Variants in FRMPD1 observed in about 807,000 individuals in gnomAD.
The protein encoded by FRMPD1 is FERM and PDZ domain containing 1, also known as FERM and PDZ domain-containing protein 1.
Under a neutral mutation model 117.8 loss-of-function variants are expected in FRMPD1, and 76 were observed. That is an observed-to-expected ratio of 0.65 (90% CI 0.54 to 0.78). The LOEUF (loss-of-function observed/expected upper bound fraction) is 0.78, where lower values mean the gene tolerates loss of function less well. FRMPD1 is among the 30% of genes least tolerant of loss of function. The probability of loss-of-function intolerance (pLI) is 0.00; values close to 1 mark genes in which losing one functional copy is unlikely to be tolerated. For missense variants in FRMPD1, 1,786 were observed against 1,964.5 expected (o/e 0.91, Z 1.72); for synonymous variants, 783 against 770.4 (o/e 1.02, Z -0.27).
At chr9:37,711,262 AAC>A in intron 4 of FRMPD1, 86 bp from the exon 5 acceptor site, 1 of 887,014 alleles carries the variant, frequency 1.1e-6, no homozygotes, top group Non-Finnish European at 1.9e-6. Context: ...TTTTGACCCT[AAC>A]ACACATGCTC....
intron 4 of FRMPD1, among the ~76,000 whole-genome samples, chr9:37,709,679 T>G (rs1032067037): frequency 5.9e-5 from 9 of 152,072 alleles, no homozygotes; most frequent in Admixed American, 4.6e-4. Flanking sequence ...AATATTTCAG[T>G]TGTGTCTTTA....
chr9:37,700,196 G>A (rs1346632940), intron 2 of FRMPD1, among the ~76,000 whole-genome samples: 1 of 152,156 alleles, frequency 6.6e-6, no homozygotes, highest in Non-Finnish European at 1.5e-5. Flanking sequence ...CATCTGCAGA[G>A]TTGCCATTAT....
Position 37,746,022 on chromosome 9 carries a change from G to A in FRMPD1, c.3990G>A (p.Gly1330=). Reference sequence around the variant, plus strand: ...ATGAGATGGTGGCTCCCAGGATAGGGATGGACCAGTGCAGCTGTCAGTTCT... The same window carrying A: ...ATGAGATGGTGGCTCCCAGGATAGGAATGGACCAGTGCAGCTGTCAGTTCT... ...GMNEMVAPRI[G]MDQCSCQFSY... is the part of the protein sequence containing the mutation. The change falls in exon 16 of 16, where the codon GGG becomes GGA. Residue 1330 remains glycine, a synonymous_variant. Coordinates refer to ENST00000377765, the MANE Select transcript of FRMPD1 (RefSeq NM_014907.3). The A allele has an allele frequency of 6.2e-7, 1 of 1,614,222 alleles. No homozygotes were observed. The highest frequency in any genetic ancestry group is 8.5e-7 in the Non-Finnish European group (1 of 1,180,032).
Position 37,727,698 on chromosome 9 carries a change from G to A in FRMPD1, c.613-2030G>A, listed in dbSNP as rs1368652865. 4.3e-5 allele frequency among the ~76,000 whole-genome samples: 6 copies of A among 140,490 alleles called. No individual in the cohort carries two copies. The Admixed American group carries it at 4.6e-4, about 11-fold the overall frequency. 92.2% of individuals were successfully genotyped at this position (140,490 alleles called of 152,430 possible). ...AATGGACCCTTCAGGACTAGTCACTGGGTAGTTATGGGGGGTGATGAACAA... is the reference window on the plus strand; with the variant it reads ...AATGGACCCTTCAGGACTAGTCACTAGGTAGTTATGGGGGGTGATGAACAA... On this transcript the variant is annotated intron_variant, in intron 7 of 15. Transcript: ENST00000377765.
intron 2 of FRMPD1, chr9:37,693,082 A>ACACT (rs1184286548): frequency 7.4e-6 from 2 of 269,382 alleles, no homozygotes; most frequent in African/African-American, 4.4e-5. Flanking sequence ...ACTCATACAT[A>ACACT]CACTCTTTTG....
chr9:37,669,057 A>G (rs1023636326), intron 1 of FRMPD1, among the ~76,000 whole-genome samples: 16 of 152,198 alleles, frequency 1.1e-4, no homozygotes, highest in African/African-American at 3.9e-4. Flanking sequence ...ATCTTTGGTT[A>G]CACAGCTAAC....
chr9:37,610,052 A>C, the FRMPD1 span, among the ~76,000 whole-genome samples: 1 of 152,228 alleles, frequency 6.6e-6, no homozygotes, highest in South Asian at 2.1e-4. Context: ...TTTCTTCCCA[A>C]CTTTAGTTTC....
rs1200454587 is a variant in FRMPD1 at position 37,740,874 on chromosome 9, C to A, written c.2346C>A (p.Gly782=). ...YDAADKLTPP[G]PPSGPRDVST... The stretch of plus-strand genomic sequence containing the variant: ...CGGCTGATAAGCTCACTCCCCCAGG[C>A]CCCCCGTCAGGTGAGCCGTCCCTTG... The change falls in exon 15 of 16, where the codon GGC becomes GGA. Residue 782 remains glycine, a synonymous_variant. Transcript: ENST00000377765. This position sits in a 1 kb window ranked among gnomAD's most constrained non-coding sequence, Gnocchi z 4.2. 6 of 1,613,220 alleles carry A rather than the reference C, an allele frequency of 3.7e-6. No individual in the cohort carries two copies. The highest frequency in any genetic ancestry group is 1.1e-5 in the South Asian group (1 of 91,052).
chr9:37,719,357 G>C (rs1823294296), intron 6 of FRMPD1, among the ~76,000 whole-genome samples, 181 bp downstream of exon 6: 1 of 152,230 alleles, frequency 6.6e-6, no homozygotes, highest in African/African-American at 2.4e-5. Context: ...GATTGCTGGT[G>C]GGAGCTCTGG....
intron 1 of FRMPD1, among the ~76,000 whole-genome samples, chr9:37,686,110 A>T (rs1821932345): frequency 6.6e-6 from 1 of 152,172 alleles, no homozygotes; most frequent in African/African-American, 2.4e-5. Context: ...CTTTTAAGAT[A>T]TTTTTCCAAG....
intron 2 of FRMPD1, among the ~76,000 whole-genome samples, chr9:37,702,412 A>G (rs1030244245): frequency 6.6e-5 from 10 of 152,264 alleles, no homozygotes; most frequent in African/African-American, 2.4e-4. Flanking sequence ...GGAGTCAGAT[A>G]ACTTTAAATA....
the FRMPD1 span, among the ~76,000 whole-genome samples, chr9:37,616,687 C>A: frequency 5.9e-5 from 9 of 152,216 alleles, no homozygotes; most frequent in Non-Finnish European, 1.2e-4. Context: ...TACCATGAAA[C>A]CATGATTGAA....
At chr9:37,714,707 C>T (rs1029775460) in intron 5 of FRMPD1, among the ~76,000 whole-genome samples, 1 of 151,308 alleles carries the variant, frequency 6.6e-6, no homozygotes, top group East Asian at 1.9e-4. Flanking sequence ...AGTGCAGTGG[C>T]GTGATCTTGG....
At chr9:37,678,830 A>G (rs768868522) in intron 1 of FRMPD1, among the ~76,000 whole-genome samples, 12 of 152,220 alleles carry the variant, frequency 7.9e-5, no homozygotes, top group South Asian at 2.1e-4. Flanking sequence ...CCAGGAACCT[A>G]ATGTTCTGTG....
At chr9:37,666,897 C>A (rs1483900729) in intron 1 of FRMPD1, among the ~76,000 whole-genome samples, 4 of 152,128 alleles carry the variant, frequency 2.6e-5, no homozygotes, top group African/African-American at 9.7e-5. Context: ...CTCGCCTCTC[C>A]TTTGATCCTT....
At chr9:37,645,791 C>G in the FRMPD1 span, among the ~76,000 whole-genome samples, 2 of 152,220 alleles carry the variant, frequency 1.3e-5, no homozygotes, top group Non-Finnish European at 2.9e-5. Context: ...CTAATTGTCC[C>G]TAAGAGGTAA....
chr9:37,698,939 A>G (rs1380477562), intron 2 of FRMPD1, among the ~76,000 whole-genome samples: 1 of 151,658 alleles, frequency 6.6e-6, no homozygotes, highest in East Asian at 1.9e-4. Context: ...GGGTTTCTCA[A>G]TGTTGGTCAG....
Position 37,692,700 on chromosome 9 carries a change from T to C in FRMPD1, c.59T>C (p.Met20Thr). The C allele has an allele frequency of 1.9e-6, 3 of 1,613,980 alleles. No individual in the cohort carries two copies. The highest frequency in any genetic ancestry group is 2.7e-5 in the African/African-American group (2 of 74,986). Reference protein sequence around the residue: ...QTRKAHRIEQMVARWLRRSRD... With the variant: ...QTRKAHRIEQTVARWLRRSRD... ...CGGAAAGCACATAGAATAGAACAAATGGTGGCAAGATGGCTTCGGCGCTCC... is the reference window on the plus strand; with the variant it reads ...CGGAAAGCACATAGAATAGAACAAACGGTGGCAAGATGGCTTCGGCGCTCC... Residue 20 changes from methionine (M) to threonine (T), a missense_variant, in exon 2 of 16, where the codon ATG (methionine) becomes ACG (threonine). Physicochemically the swap from Met to Thr is moderately conservative, Grantham distance 81. Coordinates refer to ENST00000377765, the MANE Select transcript of FRMPD1 (RefSeq NM_014907.3).
chr9:37,650,554 G>A (rs1031982998), upstream of FRMPD1, among the ~76,000 whole-genome samples: 1 of 152,224 alleles, frequency 6.6e-6, no homozygotes, highest in Non-Finnish European at 1.5e-5. Flanking sequence ...CGTAGCTGGG[G>A]CTCTTCCTGG....
Sources: allele counts gnomAD v4.1 joint callset (sites outside exome capture counted in the v4.1 genomes callset), GRCh38; gene constraint gnomAD v4.1.1; non-coding constraint Gnocchi (gnomAD v3.1); transcripts MANE v1.5; gene names NCBI Gene and HGNC (gene_info 2026-07-23, HGNC 2026-07-21).